Variants in TLL1 observed in about 807,000 individuals in gnomAD.
TLL1 encodes the protein tolloid like 1, also known as tolloid-like protein 1.
A neutral mutation model predicts 128.2 loss-of-function variants in TLL1; 49 were observed. The observed-to-expected ratio is 0.38, with a 90% CI of 0.30 to 0.48. The LOEUF (loss-of-function observed/expected upper bound fraction) is 0.48, where lower values mean the gene tolerates loss of function less well. Among genes scored for constraint, TLL1 ranks in the 20% least tolerant of loss-of-function variants. The pLI, the probability that TLL1 is intolerant of heterozygous loss-of-function variation, is 0.96. For synonymous variants in TLL1, 454 were observed against 418.8 expected (o/e 1.08, Z -1.03); for missense variants, 1,123 against 1,242.0 (o/e 0.90, Z 1.44).
In TLL1 at chr4:165,975,611, G is replaced by A. The variant is rs184241617; in HGVS notation, c.170-13770G>A. 1.1e-4 allele frequency among the ~76,000 whole-genome samples: 16 copies of A among 152,246 alleles called. No individual in the cohort carries two copies. The East Asian group carries it at 3.1e-3, about 29-fold the overall frequency. ...GAAAATAAAAGAAAAAATATTATGG[G>A]TTAGATCTCTTATAAAGCTAAATGC... On this transcript the variant is annotated intron_variant, in intron 1 of 20. Coordinates refer to ENST00000061240, the MANE Select transcript of TLL1 (RefSeq NM_012464.5).
intron 12 of TLL1, among the ~76,000 whole-genome samples, chr4:166,046,586 A>G (rs1191087013): frequency 6.6e-6 from 1 of 152,226 alleles, no homozygotes; most frequent in Non-Finnish European, 1.5e-5. Flanking sequence ...GGTCATTCAC[A>G]GACATGTACA....
At chr4:166,023,219 T>G (rs1024818577) in intron 8 of TLL1, among the ~76,000 whole-genome samples, 2 of 152,096 alleles carry the variant, frequency 1.3e-5, no homozygotes, top group African/African-American at 4.8e-5. Flanking sequence ...TCCAACATGG[T>G]GAAACCCCCA....
chr4:165,906,229 A>G (rs898120231), intron 1 of TLL1, among the ~76,000 whole-genome samples: 1 of 152,230 alleles, frequency 6.6e-6, no homozygotes, highest in African/African-American at 2.4e-5. Flanking sequence ...GCCCTTTAAG[A>G]AAATGCATGT....
rs1742267081 is a variant in TLL1, at chr4:166,101,132, T to C, written c.*256T>C. The C allele has an allele frequency of 4.6e-6, 2 of 439,534 alleles. No individual in the cohort carries two copies. Among genetic ancestry groups the C allele is most frequent in the Non-Finnish European group, 8.3e-6 (2 of 240,804 alleles). 27.2% of individuals were successfully genotyped at this position (439,534 alleles called of 1,614,324 possible). A position where few individuals can be genotyped will look rare whatever the true frequency, so the allele number is the denominator to read the frequency against. On this transcript the variant is annotated 3_prime_UTR_variant, in exon 21 of 21. Coordinates refer to ENST00000061240, the MANE Select transcript of TLL1 (RefSeq NM_012464.5). Reference sequence around the variant, plus strand: ...GGGCATCATATACTTCAAGGAAGACTCTACAAGCTTTTGTTCACAGCTTGA... The same window carrying C: ...GGGCATCATATACTTCAAGGAAGACCCTACAAGCTTTTGTTCACAGCTTGA...
intron 17 of TLL1, among the ~76,000 whole-genome samples, chr4:166,077,325 T>A (rs899527570): frequency 1.6e-4 from 25 of 152,184 alleles, no homozygotes; most frequent in African/African-American, 5.5e-4. Flanking sequence ...GCTGTTCATT[T>A]ATCATTCCCC....
chr4:166,099,771 G>C (rs1387056889), intron 20 of TLL1, among the ~76,000 whole-genome samples: 1 of 151,926 alleles, frequency 6.6e-6, no homozygotes, highest in Non-Finnish European at 1.5e-5. Context: ...ATAATTTCTT[G>C]TCACTTTTCC....
Position 165,929,996 on chromosome 4 carries a change from C to T in TLL1, c.169+55923C>T, listed in dbSNP as rs1340134185. On this transcript the variant is annotated intron_variant, in intron 1 of 20. Transcript: ENST00000061240. ...CAGAAACTAAAATTCATGATTAACT[C>T]ACTGCTCGCTATGAATTTGTCACAA... Among the ~76,000 whole-genome samples the T allele has an allele frequency of 7.2e-5, 11 of 152,216 alleles. No homozygotes were observed. In the South Asian group the frequency reaches 2.3e-3, roughly 32 times the overall value.
At chr4:166,021,432 CTT>C (rs113942126) in intron 8 of TLL1, among the ~76,000 whole-genome samples, 2,054 of 120,352 alleles carry the variant, frequency 0.017, 31 homozygotes, top group African/African-American at 0.061. Context: ...TTATTTTTGC[CTT>C]TTTTTTTTTT....
chr4:165,994,529 C>T lies in TLL1; in HGVS notation c.510C>T (p.Phe170=), dbSNP rs1342946616. The change falls in exon 4 of 21, where the codon TTC becomes TTT. Residue 170 remains phenylalanine, a synonymous_variant. Transcript: ENST00000061240. ...TTCCTTATGTTATAGGAGGAAACTT[C>T]ACTGGTAAGATACTCCCAGCATGTC... is the stretch of plus-strand genomic sequence containing the variant. ...GVIPYVIGGN[F]TGSQRAMFKQ... 6.2e-7 allele frequency: 1 copy of T among 1,613,902 alleles called. No homozygotes were observed. The highest frequency in any genetic ancestry group is 1.7e-5 in the Admixed American group (1 of 60,008).
intron 16 of TLL1, among the ~76,000 whole-genome samples, chr4:166,074,354 G>T (rs2111136124): frequency 6.6e-6 from 1 of 151,194 alleles, no homozygotes; most frequent in Admixed American, 6.6e-5. Context: ...AGAGTTAATG[G>T]GGAAAAAAAT....
At chr4:166,053,252 G>T (rs757167032) in intron 12 of TLL1, 1 of 150,982 alleles carries the variant, frequency 6.6e-6, no homozygotes, top group Non-Finnish European at 1.5e-5. Flanking sequence ...TAATTTCTGA[G>T]ATCAGATTAT....
chr4:166,021,311 A>C (rs1217619371), intron 8 of TLL1, among the ~76,000 whole-genome samples: 1 of 152,064 alleles, frequency 6.6e-6, no homozygotes, highest in African/African-American at 2.4e-5. Flanking sequence ...CATTTAGTGA[A>C]TGGTTGCCAG....
At chr4:166,006,751 T>G (rs2111039396) in intron 6 of TLL1, among the ~76,000 whole-genome samples, 1 of 151,838 alleles carries the variant, frequency 6.6e-6, no homozygotes, top group East Asian at 1.9e-4. Flanking sequence ...TTAAATTATG[T>G]ATTGTGTAAA....
intron 1 of TLL1, among the ~76,000 whole-genome samples, chr4:165,918,193 A>G (rs1732872487): frequency 6.6e-6 from 1 of 152,178 alleles, no homozygotes; most frequent in Admixed American, 6.6e-5. Flanking sequence ...ATCGTTGTGT[A>G]ATTTTTTTTG....
intron 9 of TLL1, among the ~76,000 whole-genome samples, chr4:166,026,411 G>A (rs983794740): frequency 6.6e-6 from 1 of 152,004 alleles, no homozygotes; most frequent in East Asian, 1.9e-4. Flanking sequence ...ACAAGGCCAG[G>A]TGCGGTGGCT....
Position 165,873,321 on chromosome 4 carries a change from C to A in TLL1, c.-584C>A, listed in dbSNP as rs58836415. On this transcript the variant is annotated 5_prime_UTR_variant, in exon 1 of 21. Transcript: ENST00000061240. ...GCTTCTGCAGGCTTTTAAGGTCTCG[C>A]GGCGTAGAAATGCCTGGCCCCCACC... is the stretch of plus-strand genomic sequence containing the variant. 0.064 allele frequency: 9,824 copies of A among 153,446 alleles called. 1,031 individuals carry two copies. The highest frequency in any genetic ancestry group is 0.22 in the African/African-American group (9,195 of 41,436). 9.5% of individuals were successfully genotyped at this position (153,446 alleles called of 1,614,324 possible). A position where few individuals can be genotyped will look rare whatever the true frequency, so the allele number is the denominator to read the frequency against.
At chr4:165,887,768 A>C (rs1006810262) in intron 1 of TLL1, among the ~76,000 whole-genome samples, 3 of 152,290 alleles carry the variant, frequency 2.0e-5, no homozygotes, top group Admixed American at 2.0e-4. Context: ...TGTTTTTATA[A>C]TATTGAACAT....
At chr4:165,947,562 C>T (rs1161959406) in intron 1 of TLL1, among the ~76,000 whole-genome samples, 2 of 152,038 alleles carry the variant, frequency 1.3e-5, no homozygotes. Context: ...TCACTGTCAG[C>T]AAAGAATGCA....
intron 9 of TLL1, among the ~76,000 whole-genome samples, chr4:166,026,098 A>G (rs1464659909): frequency 1.3e-5 from 2 of 152,234 alleles, no homozygotes; most frequent in African/African-American, 4.8e-5. Flanking sequence ...AACAACAACA[A>G]GGAAATGGGT....
Sources: allele counts gnomAD v4.1 joint callset (sites outside exome capture counted in the v4.1 genomes callset), GRCh38; gene constraint gnomAD v4.1.1; transcripts MANE v1.5; gene names NCBI Gene and HGNC (gene_info 2026-07-23, HGNC 2026-07-21).